RALA: variants seen among roughly 807,000 people sequenced by gnomAD.
The protein encoded by RALA is RAS like proto-oncogene A.
RALA carries 5 observed loss-of-function variants against 24.0 expected under a neutral mutation model. The observed-to-expected ratio is 0.21, with a 90% CI of 0.11 to 0.44. The LOEUF (loss-of-function observed/expected upper bound fraction) is 0.44. RALA is among the 20% of genes least tolerant of loss of function. The pLI, the probability that RALA is intolerant of heterozygous loss-of-function variation, is 0.99. For missense variants in RALA, 95 were observed against 241.2 expected, an observed-to-expected ratio of 0.39 and a Z score of 4.01; for synonymous variants, 77 against 83.8, an observed-to-expected ratio of 0.92 and a Z score of 0.44.
intron 4 of RALA, among the ~76,000 whole-genome samples, chr7:39,700,017 C>G (rs926137225): frequency 5.9e-5 from 9 of 152,152 alleles, no homozygotes; most frequent in African/African-American, 2.2e-4. Context: ...TCCATGTGTT[C>G]TGCAGGGCCA....
intron 1 of RALA, among the ~76,000 whole-genome samples, chr7:39,657,614 G>A (rs1050572738): frequency 1.3e-5 from 2 of 152,068 alleles, no homozygotes; most frequent in East Asian, 3.9e-4. Context: ...ATTGAGGCCT[G>A]TAAGCCTTAA....
chr7:39,645,946 A>C (rs1791917188), intron 1 of RALA, among the ~76,000 whole-genome samples: 1 of 152,158 alleles, frequency 6.6e-6, no homozygotes, highest in African/African-American at 2.4e-5. Flanking sequence ...ACCTTATTTC[A>C]GGTCAGTGGG....
chr7:39,651,122 T>C (rs2115968781), intron 1 of RALA, among the ~76,000 whole-genome samples: 1 of 152,368 alleles, frequency 6.6e-6, no homozygotes, highest in African/African-American at 2.4e-5. Context: ...CAACCCAGTA[T>C]TCAATAAATT....
chr7:39,699,118 G>GTTTTTTTT (rs1209729467), intron 4 of RALA, among the ~76,000 whole-genome samples: 7 of 84,142 alleles, frequency 8.3e-5, no homozygotes, highest in African/African-American at 2.3e-4. Flanking sequence ...TGCTAAAAAT[G>GTTTTTTTT]TTATTTTTTT....
rs529650157 is a variant in RALA, at chr7:39,706,634, A to G, written c.*389A>G. 3 of 154,786 alleles carry G rather than the reference A, an allele frequency of 1.9e-5. No homozygotes were observed. Among genetic ancestry groups the G allele is most frequent in the East Asian group, 1.9e-4 (1 of 5,236 alleles). The allele number at this position is 154,786 out of a possible 1,614,324, so 9.6% of individuals were successfully genotyped here. A position where few individuals can be genotyped will look rare whatever the true frequency, so the allele number is the denominator to read the frequency against. On this transcript the variant is annotated 3_prime_UTR_variant, in exon 5 of 5. Transcript: ENST00000005257. ...TCATTTTAAAATGTCTTGGTCTTCT[A>G]CTGCCTTGAAAAATGACAATTGTGA...
intron 1 of RALA, among the ~76,000 whole-genome samples, chr7:39,645,788 A>T (rs1263579948): frequency 6.6e-6 from 1 of 152,216 alleles, no homozygotes; most frequent in African/African-American, 2.4e-5. Context: ...ACGGAGATGC[A>T]TCAGGTTGAG....
chr7:39,694,588 G>C (rs1019703734), intron 3 of RALA, among the ~76,000 whole-genome samples: 5 of 152,214 alleles, frequency 3.3e-5, no homozygotes, highest in Non-Finnish European at 7.3e-5. Flanking sequence ...GAAAATGTAT[G>C]TAAGTCCTGA....
At chr7:39,683,999 A>G (rs1200403477) in intron 1 of RALA, among the ~76,000 whole-genome samples, 1 of 152,218 alleles carries the variant, frequency 6.6e-6, no homozygotes, top group Admixed American at 6.5e-5. Flanking sequence ...TGATCATAAT[A>G]AAGAAGTCAC....
At chr7:39,655,860 G>A (rs17507685) in intron 1 of RALA, among the ~76,000 whole-genome samples, 15,504 of 152,108 alleles carry the variant, frequency 0.1, 1,049 homozygotes, top group Non-Finnish European at 0.15. Flanking sequence ...CAGGATCAAG[G>A]CATATAAGGA....
intron 1 of RALA, among the ~76,000 whole-genome samples, chr7:39,641,797 GA>G (rs1333914471): frequency 6.6e-6 from 1 of 152,254 alleles, no homozygotes; most frequent in African/African-American, 2.4e-5. Flanking sequence ...CTCAAAAAAG[GA>G]AATCATTTTT....
chr7:39,642,558 ATT>A (rs1791837335), intron 1 of RALA, among the ~76,000 whole-genome samples: 1 of 152,136 alleles, frequency 6.6e-6, no homozygotes, highest in African/African-American at 2.4e-5. Context: ...GGGGTTATAT[ATT>A]CTGATTTCCT....
chr7:39,697,989 G>A (rs1405048651), intron 4 of RALA, among the ~76,000 whole-genome samples: 1 of 151,882 alleles, frequency 6.6e-6, no homozygotes, highest in Non-Finnish European at 1.5e-5. Context: ...GTGTGTATGT[G>A]TGTTTTGCTT....
At chr7:39,681,180 C>G (rs1206912551) in intron 1 of RALA, among the ~76,000 whole-genome samples, 3 of 151,966 alleles carry the variant, frequency 2.0e-5, no homozygotes, top group African/African-American at 7.3e-5. Context: ...AAAAAGCAGC[C>G]AAACAAAAAG....
chr7:39,663,051 C>T (rs953299974), intron 1 of RALA, among the ~76,000 whole-genome samples: 4 of 152,096 alleles, frequency 2.6e-5, no homozygotes, highest in Admixed American at 2.0e-4. Context: ...TTATTCACTA[C>T]CATAAGAATA....
At chr7:39,688,130 A>G (rs1160529124) in intron 2 of RALA, among the ~76,000 whole-genome samples, 1 of 152,176 alleles carries the variant, frequency 6.6e-6, no homozygotes, top group Non-Finnish European at 1.5e-5. Flanking sequence ...GTCAGTTGCC[A>G]TGCTTGTTAG....
At chr7:39,639,418 G>A (rs971411463) in intron 1 of RALA, among the ~76,000 whole-genome samples, 15 of 152,100 alleles carry the variant, frequency 9.9e-5, no homozygotes, top group Admixed American at 3.3e-4. Flanking sequence ...AAGAAATGGC[G>A]GTGATGTGCG....
chr7:39,647,291 C>T (rs528618437), intron 1 of RALA, among the ~76,000 whole-genome samples: 3 of 152,304 alleles, frequency 2.0e-5, no homozygotes, highest in Admixed American at 1.3e-4. Flanking sequence ...GGTACACCCC[C>T]CTTGATCTCC....
chr7:39,674,819 C>CTTTTTTTTTT (rs11452061), intron 1 of RALA, among the ~76,000 whole-genome samples: 3 of 96,686 alleles, frequency 3.1e-5, no homozygotes, highest in Non-Finnish European at 5.9e-5. Context: ...TAATTTTATG[C>CTTTTTTTTTT]TTTTTTTTTT....
intron 1 of RALA, among the ~76,000 whole-genome samples, chr7:39,672,231 A>C (rs1583735131): frequency 1.3e-5 from 2 of 152,338 alleles, no homozygotes; most frequent in East Asian, 3.9e-4. Flanking sequence ...CTTAAAAGAC[A>C]AAACAAAAGT....
Sources: allele counts gnomAD v4.1 joint callset (sites outside exome capture counted in the v4.1 genomes callset), GRCh38; gene constraint gnomAD v4.1.1; transcripts MANE v1.5; gene names NCBI Gene and HGNC (gene_info 2026-07-23, HGNC 2026-07-21).